Variants in AHNAK observed in about 807,000 individuals in gnomAD.
AHNAK encodes the protein neuroblast differentiation-associated protein AHNAK.
In AHNAK, 23 loss-of-function variants were observed where a neutral mutation model predicts 37.8. The observed-to-expected ratio is 0.61, with a 90% CI of 0.44 to 0.86. The LOEUF (loss-of-function observed/expected upper bound fraction) is 0.86. AHNAK is among the 40% of genes least tolerant of loss of function. The pLI, the probability that AHNAK is intolerant of heterozygous loss-of-function variation, is 0.00. For synonymous variants in AHNAK, 2,481 were observed against 2,636.3 expected, an observed-to-expected ratio of 0.94 and a Z score of 1.80; for missense variants, 7,411 against 7,319.4, an observed-to-expected ratio of 1.01 and a Z score of -0.46.
intron 4 of AHNAK, among the ~76,000 whole-genome samples, chr11:62,503,752 T>C (rs1939755852): frequency 6.6e-6 from 1 of 152,200 alleles, no homozygotes; most frequent in African/African-American, 2.4e-5. Context: ...TTTTCCATTT[T>C]TAGACACAAT....
In AHNAK at chr11:62,527,475, C is replaced by T. The variant is rs762369475; in HGVS notation, c.6942G>A (p.Met2314Ile). 1.2e-6 allele frequency: 2 copies of T among 1,614,174 alleles called. No homozygotes were observed. Among genetic ancestry groups the T allele is most frequent in the South Asian group, 1.1e-5 (1 of 91,082 alleles). The change falls in exon 5 of 5, where the codon ATG becomes ATA. Residue 2314 changes from methionine to isoleucine, a missense_variant. Met to Ile is a conservative substitution (Grantham distance 10). Coordinates refer to ENST00000378024, the MANE Select transcript of AHNAK (RefSeq NM_001620.3). Reference sequence around the variant, plus strand: ...CCTTTAAATTGAAATCAACATCAGGCATGGAGATCTTGGGGGTCTTGAAGT... The same window carrying T: ...CCTTTAAATTGAAATCAACATCAGGTATGGAGATCTTGGGGGTCTTGAAGT... ...EMHFKTPKIS[M>I]PDVDFNLKGP...
At chr11:62,535,522 C>T (rs936717357) in intron 3 of AHNAK, among the ~76,000 whole-genome samples, 9 of 151,948 alleles carry the variant, frequency 5.9e-5, no homozygotes, top group Middle Eastern at 3.2e-3. Context: ...GTGGTGCATG[C>T]CTGTAATCCC....
chr11:62,499,027 T>C (rs1336480563), intron 4 of AHNAK, among the ~76,000 whole-genome samples: 2 of 152,214 alleles, frequency 1.3e-5, no homozygotes, highest in African/African-American at 4.8e-5. Flanking sequence ...TCCAGCGGAC[T>C]TTATGGCCTC....
Position 62,533,374 on chromosome 11 carries a change from G to T in AHNAK, c.1043C>A (p.Thr348Asn). ...VGHKGGKPGL[T>N]IQAPQLEVSV... ...GACTTCCAGCTGAGGGGCTTGGATA[G>T]TCAAGCCTGGCTTGCCGCCCTTGTG... The change falls in exon 5 of 5, where the codon ACT becomes AAT. Residue 348 changes from threonine to asparagine, a missense_variant. By Grantham distance (65) the Thr-to-Asn change is moderately conservative. Transcript: ENST00000378024. 1 of 1,583,504 alleles carries T rather than the reference G, an allele frequency of 6.3e-7. No individual in the cohort carries two copies. The highest frequency in any genetic ancestry group is 8.6e-7 in the Non-Finnish European group (1 of 1,165,324).
intron 5 of AHNAK, among the ~76,000 whole-genome samples, chr11:62,445,189 T>G (rs1469144602): frequency 1.3e-5 from 2 of 152,162 alleles, no homozygotes; most frequent in Non-Finnish European, 2.9e-5. Flanking sequence ...AGATCTGCAT[T>G]AAGGAGCTAC....
rs187030033 is a variant in AHNAK, at chr11:62,457,484, G to A, written c.443-23593C>T. Reference sequence around the variant, plus strand: ...AAGACAAAACAAAATATGAAAATTAGCTGGGCATGGTGCCACAAGCCTGTA... The same window carrying A: ...AAGACAAAACAAAATATGAAAATTAACTGGGCATGGTGCCACAAGCCTGTA... On this transcript the variant is annotated intron_variant, in intron 5 of 5. Coordinates refer to the AHNAK transcript ENST00000257247. Among the ~76,000 whole-genome samples, 8 of 151,602 alleles carry A rather than the reference G, an allele frequency of 5.3e-5. No individual in the cohort carries two copies. In the East Asian group the frequency reaches 1.6e-3, roughly 30 times the overall value.
chr11:62,502,960 T>C (rs1036462628), intron 4 of AHNAK, among the ~76,000 whole-genome samples: 1 of 152,160 alleles, frequency 6.6e-6, no homozygotes, highest in Non-Finnish European at 1.5e-5. Flanking sequence ...GGCTGAGACA[T>C]GTAGTGTTCG....
rs1246218967 is a variant in AHNAK at position 62,519,000 on chromosome 11, C to T, written c.15417G>A (p.Lys5139=). 1.2e-6 allele frequency: 2 copies of T among 1,614,096 alleles called. No individual in the cohort carries two copies. Among genetic ancestry groups the T allele is most frequent in the South Asian group, 2.2e-5 (2 of 91,076 alleles). The stretch of plus-strand genomic sequence containing the variant: ...CATCTGGCATCTTGACCTTGGGAGC[C>T]TTCGCCTTGATGTCAAGACCTTCGA... The part of the protein sequence containing the change: ...IHVEGLDIKA[K]APKVKMPDVD... The change falls in exon 5 of 5, where the codon AAG becomes AAA. Residue 5139 remains lysine, a synonymous_variant. Transcript: ENST00000378024.
rs369891981 is a variant in AHNAK at position 62,527,638 on chromosome 11, C to T, written c.6779G>A (p.Gly2260Asp). 3.7e-6 allele frequency: 6 copies of T among 1,613,880 alleles called. No individual in the cohort carries two copies. Among genetic ancestry groups the T allele is most frequent in the African/African-American group, 1.3e-5 (1 of 74,846 alleles). ...GGGCAAGTTCACATCCACTTCTGGGCCCTCTCCTTTGAAGCCAGGCATGCT... is the reference window on the plus strand; with the variant it reads ...GGGCAAGTTCACATCCACTTCTGGGTCCTCTCCTTTGAAGCCAGGCATGCT... ...KFSMPGFKGE[G>D]PEVDVNLPKA... Residue 2260 changes from glycine (G) to aspartate (D), a missense_variant, in exon 5 of 5, where the codon GGC becomes GAC. By Grantham distance (94) the Gly-to-Asp change is moderately conservative. Transcript: ENST00000378024.
intron 5 of AHNAK, among the ~76,000 whole-genome samples, chr11:62,476,770 C>T (rs1272111493): frequency 6.6e-6 from 1 of 151,972 alleles, no homozygotes; most frequent in Admixed American, 6.6e-5. Context: ...GTGGTTGGAC[C>T]AAGAGAAAGA....
intron 5 of AHNAK, among the ~76,000 whole-genome samples, chr11:62,487,654 C>G (rs1939419930): frequency 6.6e-6 from 1 of 152,218 alleles, no homozygotes; most frequent in South Asian, 2.1e-4. Flanking sequence ...CTGCTGCTCT[C>G]AACTGCACAG....
intron 4 of AHNAK, among the ~76,000 whole-genome samples, chr11:62,501,980 A>C (rs1229375037): frequency 1.3e-5 from 2 of 152,188 alleles, no homozygotes; most frequent in Non-Finnish European, 1.5e-5. Context: ...TCCTAGACTT[A>C]AGCAGTGAGA....
At chr11:62,537,774 C>T (rs1421203123) in intron 1 of AHNAK, among the ~76,000 whole-genome samples, 1 of 152,046 alleles carries the variant, frequency 6.6e-6, no homozygotes, top group African/African-American at 2.4e-5. Context: ...CCTCCCCCTC[C>T]CAGGTTCAAG....
At chr11:62,545,168 C>G (rs1432448392) in intron 1 of AHNAK, among the ~76,000 whole-genome samples, 1 of 152,182 alleles carries the variant, frequency 6.6e-6, no homozygotes, top group Non-Finnish European at 1.5e-5. Flanking sequence ...CTGCAGCGAC[C>G]GCACGCTCCC....
chr11:62,536,410 G>A (rs530715563), intron 2 of AHNAK, 59 bp downstream of exon 2: 3 of 285,596 alleles, frequency 1.1e-5, no homozygotes, highest in South Asian at 9.3e-5. Flanking sequence ...ATCCACACAG[G>A]GCCCACCCTC....
At chr11:62,483,174 A>T (rs1939311416) in intron 5 of AHNAK, among the ~76,000 whole-genome samples, 1 of 152,184 alleles carries the variant, frequency 6.6e-6, no homozygotes, top group South Asian at 2.1e-4. Flanking sequence ...GGCCCAAGGG[A>T]CGCTACGTGG....
intron 5 of AHNAK, chr11:62,491,628 C>T: frequency 1.8e-6 from 2 of 1,109,400 alleles, no homozygotes; most frequent in Non-Finnish European, 1.3e-6. Flanking sequence ...CATATCCTTC[C>T]ACGTGTGGCT....
intron 4 of AHNAK, among the ~76,000 whole-genome samples, chr11:62,500,850 A>C (rs1314597770): frequency 6.6e-6 from 1 of 152,208 alleles, no homozygotes; most frequent in Non-Finnish European, 1.5e-5. Flanking sequence ...TTGAGCTGGG[A>C]ATGCTCACTA....
At position 62,531,258 on chromosome 11, in the gene AHNAK, C is replaced by A; in HGVS notation, c.3159G>T (p.Pro1053=). 1.2e-6 allele frequency: 2 copies of A among 1,613,718 alleles called. No individual in the cohort carries two copies. Among genetic ancestry groups the A allele is most frequent in the African/African-American group, 2.7e-5 (2 of 74,982 alleles). ...LEGPEGKLKG[P]KFKMPEMHFR... is the part of the protein sequence containing the mutation. The stretch of plus-strand genomic sequence containing the variant: ...AGTGCATCTCAGGCATCTTAAACTT[C>A]GGGCCTTTCAACTTCCCTTCAGGTC... The change falls in exon 5 of 5, where the codon CCG becomes CCT. Residue 1053 remains proline, a synonymous_variant. Transcript: ENST00000378024.
Sources: allele counts gnomAD v4.1 joint callset (sites outside exome capture counted in the v4.1 genomes callset), GRCh38; gene constraint gnomAD v4.1.1; transcripts MANE v1.5; gene names NCBI Gene and HGNC (gene_info 2026-07-23, HGNC 2026-07-21).